The following XRN1 variants were observed in gnomAD, a reference collection of about 807,000 sequenced individuals.
The protein encoded by XRN1 is strand-exchange protein 1 homolog.
XRN1 carries 67 observed loss-of-function variants against 222.3 expected under a neutral mutation model. The ratio of observed to expected loss-of-function variants is 0.30; its 90% CI spans 0.25 to 0.37. The LOEUF (loss-of-function observed/expected upper bound fraction) is 0.37. Among genes scored for constraint, XRN1 ranks in the 10% least tolerant of loss-of-function variants. XRN1 has a pLI of 1.00. For missense variants in XRN1, 1,707 were observed against 2,000.2 expected, an observed-to-expected ratio of 0.85 and a Z score of 2.80; for synonymous variants, 643 against 652.4, an observed-to-expected ratio of 0.99 and a Z score of 0.22.
intron 29 of XRN1, among the ~76,000 whole-genome samples, chr3:142,364,824 TCA>T (rs2066766088): frequency 6.6e-6 from 1 of 152,158 alleles, no homozygotes; most frequent in African/African-American, 2.4e-5. Context: ...CAGCCCCTTC[TCA>T]GTTTCTCCTT....
chr3:142,420,924 T>A (rs2069001712), intron 10 of XRN1, 92 bp downstream of exon 10: 1 of 1,543,752 alleles, frequency 6.5e-7, no homozygotes, highest in African/African-American at 1.4e-5. Flanking sequence ...AACGAGGCAA[T>A]CCCAAATCAT....
At position 142,412,618 on chromosome 3, in the gene XRN1, G is replaced by C; in HGVS notation, c.1639C>G (p.Pro547Ala). 4 of 1,606,676 alleles carry C rather than the reference G, an allele frequency of 2.5e-6. No homozygotes were observed. The highest frequency in any genetic ancestry group is 2.6e-6 in the Non-Finnish European group (3 of 1,175,084). Residue 547 changes from proline (P) to alanine (A), a missense_variant, in exon 15 of 41, where the codon CCT becomes GCT. Pro to Ala is a conservative substitution (Grantham distance 27, BLOSUM62 -1). Coordinates refer to ENST00000392981, the MANE Select transcript of XRN1 (RefSeq NM_001282857.2). ...EDSPIIEYYP[P>A]DFKTDLNGKQ... ...CCATTTAGGTCAGTTTTAAAATCAG[G>C]TGGGTAATATTCTATAATTGGTGAG... is the stretch of plus-strand genomic sequence containing the variant.
intron 20 of XRN1, among the ~76,000 whole-genome samples, chr3:142,391,612 C>A (rs2067714147): frequency 6.6e-6 from 1 of 151,570 alleles, no homozygotes; most frequent in African/African-American, 2.4e-5. Flanking sequence ...ACCTATAGTC[C>A]CAGCTATTGC....
chr3:142,359,273 C>T (rs2066552278), intron 30 of XRN1, among the ~76,000 whole-genome samples: 3 of 152,158 alleles, frequency 2.0e-5, no homozygotes, highest in Non-Finnish European at 4.4e-5. Context: ...AGTCAAACTT[C>T]CCAAGTGTTG....
chr3:142,345,720 TC>T (rs1370537591), intron 33 of XRN1, among the ~76,000 whole-genome samples: 2 of 152,052 alleles, frequency 1.3e-5, no homozygotes, highest in Non-Finnish European at 2.9e-5. Context: ...GATTAAAAAA[TC>T]CAATTAAAAA....
intron 32 of XRN1, among the ~76,000 whole-genome samples, chr3:142,349,881 T>C (rs2066257041): frequency 6.6e-6 from 1 of 152,116 alleles, no homozygotes; most frequent in Non-Finnish European, 1.5e-5. Flanking sequence ...ATGTAGGAGA[T>C]AATGAGAAAA....
rs146997071 is a variant in XRN1 at position 142,351,040 on chromosome 3, G to A, written c.3769-3698C>T. On this transcript the variant is annotated intron_variant, in intron 32 of 40. Coordinates refer to ENST00000392981, the MANE Select transcript of XRN1 (RefSeq NM_001282857.2). The stretch of plus-strand genomic sequence containing the variant: ...GAGACATGATGTATGTACTTTTGTA[G>A]GTATATATGTTTGTGTGTGTATCTA... 3.0e-3 allele frequency among the ~76,000 whole-genome samples: 461 copies of A among 152,060 alleles called. 3 individuals are homozygous for A. Among genetic ancestry groups the A allele is most frequent in the South Asian group, 0.021 (103 of 4,814 alleles).
At chr3:142,442,819 C>T (rs1182623103) in intron 1 of XRN1, among the ~76,000 whole-genome samples, 1 of 152,144 alleles carries the variant, frequency 6.6e-6, no homozygotes, top group African/African-American at 2.4e-5. Flanking sequence ...CTGCAAGCTC[C>T]GCCTCCTGGG....
intron 34 of XRN1, among the ~76,000 whole-genome samples, chr3:142,334,928 T>C (rs2065812698): frequency 6.6e-6 from 1 of 151,720 alleles, no homozygotes; most frequent in Non-Finnish European, 1.5e-5. Context: ...CTTTGCCTCA[T>C]GGGTTCAAGT....
intron 2 of XRN1, among the ~76,000 whole-genome samples, chr3:142,431,624 C>T (rs1009840924): frequency 6.6e-6 from 1 of 150,988 alleles, no homozygotes; most frequent in African/African-American, 2.4e-5. Context: ...TGAGATCAGC[C>T]TGGCCAACGT....
intron 28 of XRN1, 42 bp downstream of exon 28, chr3:142,365,268 A>G: frequency 6.3e-7 from 1 of 1,577,964 alleles, no homozygotes; most frequent in Non-Finnish European, 8.6e-7. Flanking sequence ...CATGCATTCA[A>G]AGTGAAAGCA....
At chr3:142,316,776 A>C (rs1174932821) in intron 39 of XRN1, among the ~76,000 whole-genome samples, 3 of 152,142 alleles carry the variant, frequency 2.0e-5, no homozygotes, top group Non-Finnish European at 4.4e-5. Context: ...TAGCTTCTTA[A>C]GAAAGGGTAG....
intron 14 of XRN1, among the ~76,000 whole-genome samples, chr3:142,413,018 T>C (rs2068646409): frequency 2.0e-5 from 3 of 152,214 alleles, no homozygotes; most frequent in East Asian, 3.8e-4. Flanking sequence ...CTAAAAGGCA[T>C]CTAGTAGTTC....
chr3:142,387,657 T>C (rs913992804), intron 20 of XRN1, among the ~76,000 whole-genome samples: 1 of 152,168 alleles, frequency 6.6e-6, no homozygotes, highest in Non-Finnish European at 1.5e-5. Flanking sequence ...AATGTATATA[T>C]CTACTATGGT....
At chr3:142,416,558 C>G (rs1241122775) in intron 13 of XRN1, among the ~76,000 whole-genome samples, 1 of 152,214 alleles carries the variant, frequency 6.6e-6, no homozygotes, top group Non-Finnish European at 1.5e-5. Flanking sequence ...TGAACACCCT[C>G]ACATAACCAT....
chr3:142,322,595 G>A (rs919605537), intron 37 of XRN1, among the ~76,000 whole-genome samples: 4 of 152,046 alleles, frequency 2.6e-5, no homozygotes, highest in Admixed American at 1.3e-4. Flanking sequence ...CAGGAGAATC[G>A]CTTGAACCTG....
At chr3:142,426,653 T>C in intron 3 of XRN1, 91 bp downstream of exon 3, 6 of 1,282,920 alleles carry the variant, frequency 4.7e-6, no homozygotes, top group Non-Finnish European at 6.5e-6. Context: ...AAGGCCAAAA[T>C]AAATAGAGCA....
At chr3:142,361,715 C>T (rs1239158545) in intron 29 of XRN1, among the ~76,000 whole-genome samples, 2 of 152,030 alleles carry the variant, frequency 1.3e-5, no homozygotes, top group Non-Finnish European at 2.9e-5. Flanking sequence ...TTTTCATATG[C>T]TTATTTGCCA....
At chr3:142,432,045 G>A (rs1232654449) in intron 2 of XRN1, among the ~76,000 whole-genome samples, 33 of 90,024 alleles carry the variant, frequency 3.7e-4, no homozygotes, top group Middle Eastern at 6.4e-3. Flanking sequence ...TTTTTGAGAC[G>A]GAGTTTTGCA....
Sources: gnomAD v4.1 joint callset for allele counts (sites outside exome capture counted in the v4.1 genomes callset) on GRCh38, gnomAD v4.1.1 for gene constraint, MANE v1.5 for transcripts, NCBI Gene and HGNC (gene_info 2026-07-23, HGNC 2026-07-21) for gene names.